NCKAP5: variants seen among roughly 807,000 people sequenced by gnomAD.
The protein encoded by NCKAP5 is NCK associated protein 5, also known as nck-associated protein 5.
NCKAP5 carries 92 observed loss-of-function variants against 167.0 expected under a neutral mutation model. The ratio of observed to expected loss-of-function variants is 0.55; its 90% CI spans 0.47 to 0.66. NCKAP5 has a LOEUF of 0.66. Ranked by LOEUF, NCKAP5 falls within the 30% of genes least tolerant of loss-of-function variation. NCKAP5 has a pLI of 0.00. For missense variants in NCKAP5, 2,378 were observed against 2,315.0 expected, an observed-to-expected ratio of 1.03 and a Z score of -0.56; for synonymous variants, 891 against 877.4, an observed-to-expected ratio of 1.02 and a Z score of -0.27.
intron 6 of NCKAP5, among the ~76,000 whole-genome samples, chr2:133,093,140 A>G (rs11901409): frequency 0.066 from 10,007 of 152,298 alleles, 1,065 homozygotes; most frequent in African/African-American, 0.22. Flanking sequence ...CAAGGTAATT[A>G]AGCAATAAAT....
At chr2:133,011,201 T>A (rs188038484) in intron 6 of NCKAP5, among the ~76,000 whole-genome samples, 1 of 152,156 alleles carries the variant, frequency 6.6e-6, no homozygotes, top group East Asian at 1.9e-4. Context: ...GGATTGTAAG[T>A]TTTTCCCCCC....
At chr2:133,331,901 T>C (rs905579577) in intron 3 of NCKAP5, among the ~76,000 whole-genome samples, 1 of 152,208 alleles carries the variant, frequency 6.6e-6, no homozygotes, top group African/African-American at 2.4e-5. Context: ...GCATGGAGGT[T>C]AGGCTGTTTC....
rs575504984 is a variant in NCKAP5, at chr2:133,212,620, G to A, written c.207+1096C>T. On this transcript the variant is annotated intron_variant, in intron 5 of 19. Transcript: ENST00000409261. ...TGACCTCAGGTGATCTGCCCACCTCGGCCTCCCAAAGTGTTGAGATAACAG... is the reference window on the plus strand; with the variant it reads ...TGACCTCAGGTGATCTGCCCACCTCAGCCTCCCAAAGTGTTGAGATAACAG... 3.9e-5 allele frequency among the ~76,000 whole-genome samples: 6 copies of A among 152,216 alleles called. No individual in the cohort carries two copies. The East Asian group carries it at 5.8e-4, about 15-fold the overall frequency.
intron 5 of NCKAP5, among the ~76,000 whole-genome samples, chr2:133,172,687 G>A (rs1186722028): frequency 1.3e-5 from 2 of 151,766 alleles, no homozygotes; most frequent in Admixed American, 6.6e-5. Context: ...TTGCTCTGTT[G>A]CCCAGGCTGG....
chr2:132,694,545 GGAATTAGGCCCA>G (rs1687129139), intron 19 of NCKAP5, among the ~76,000 whole-genome samples: 1 of 152,130 alleles, frequency 6.6e-6, no homozygotes, highest in South Asian at 2.1e-4. Context: ...TGAAAATGCT[GGAATTAGGCCCA>G]GGATTCGATT....
At chr2:133,317,249 T>C (rs1174868524) in intron 3 of NCKAP5, among the ~76,000 whole-genome samples, 1 of 151,722 alleles carries the variant, frequency 6.6e-6, no homozygotes, top group Non-Finnish European at 1.5e-5. Context: ...CCAAAACACA[T>C]CCAGGATAAA....
intron 9 of NCKAP5, among the ~76,000 whole-genome samples, chr2:132,876,032 A>G (rs898229552): frequency 6.6e-6 from 1 of 152,112 alleles, no homozygotes; most frequent in Non-Finnish European, 1.5e-5. Flanking sequence ...CAAATCCTCA[A>G]TATGTTCCTC....
chr2:133,178,757 G>A (rs1397380937), intron 5 of NCKAP5, among the ~76,000 whole-genome samples: 33 of 149,212 alleles, frequency 2.2e-4, no homozygotes, highest in Non-Finnish European at 4.3e-4. Flanking sequence ...CCCAGGAGGC[G>A]GAGCTTGCAG....
At chr2:133,169,012 C>T (rs1440180737) in intron 5 of NCKAP5, among the ~76,000 whole-genome samples, 1 of 152,188 alleles carries the variant, frequency 6.6e-6, no homozygotes, top group Non-Finnish European at 1.5e-5. Flanking sequence ...TTCTCCATCA[C>T]TGTCCTTGTA....
Position 132,784,441 on chromosome 2 carries a change from T to C in NCKAP5, c.2370A>G (p.Ala790=), listed in dbSNP as rs12616282. The C allele has an allele frequency of 0.55, 883,065 of 1,608,356 alleles. 250,270 individuals are homozygous for C. Among genetic ancestry groups the C allele is most frequent in the East Asian group, 0.9 (40,468 of 44,856 alleles). The stretch of plus-strand genomic sequence containing the variant: ...TTTGCTTTTGATAGATGCCCATGGG[T>C]GCCGAAGACCTGGAATTACTCTGGC... ...ISCQSNSRSS[A]PMGIYQKQNL... Residue 790 remains alanine (A), a synonymous_variant, in exon 14 of 20, where the codon GCA becomes GCG. Coordinates refer to ENST00000409261, the MANE Select transcript of NCKAP5 (RefSeq NM_207363.3).
At chr2:132,811,615 C>A (rs547256069) in intron 11 of NCKAP5, among the ~76,000 whole-genome samples, 1 of 152,160 alleles carries the variant, frequency 6.6e-6, no homozygotes, top group East Asian at 1.9e-4. Context: ...CCCAACCCTG[C>A]CCCCTGCCCC....
intron 8 of NCKAP5, chr2:132,915,786 TG>T (rs943047362): frequency 1.3e-5 from 2 of 152,046 alleles, no homozygotes; most frequent in Admixed American, 1.3e-4. Context: ...CCTCTGTGTC[TG>T]TTGGGAGTGG....
chr2:133,546,545 A>G (rs1184644023), intron 2 of NCKAP5, among the ~76,000 whole-genome samples: 2 of 152,152 alleles, frequency 1.3e-5, no homozygotes, highest in Non-Finnish European at 2.9e-5. Context: ...GGGCACGGTT[A>G]TCCTGAATGT....
intron 5 of NCKAP5, among the ~76,000 whole-genome samples, chr2:133,133,802 C>G (rs766064267): frequency 6.6e-6 from 1 of 152,152 alleles, no homozygotes; most frequent in Non-Finnish European, 1.5e-5. Context: ...GTTATTATCA[C>G]CTCCATCTAA....
At chr2:133,261,269 G>A (rs868233690) in intron 4 of NCKAP5, among the ~76,000 whole-genome samples, 4 of 152,076 alleles carry the variant, frequency 2.6e-5, no homozygotes, top group East Asian at 1.9e-4. Flanking sequence ...TTTTCCAAAC[G>A]ATTCAAAGTA....
rs927017422 is a variant in NCKAP5 at position 132,997,001 on chromosome 2, T to C, written c.342-2762A>G. Among the ~76,000 whole-genome samples the C allele has an allele frequency of 1.3e-5, 2 of 152,336 alleles. 1 individual carries two copies. The highest frequency in any genetic ancestry group is 4.1e-4 in the South Asian group (2 of 4,830). ...GTATTTGAGTGACTCAGTATGACAC[T>C]GGTTGAAGAGAACTGTGAAGAAAAG... On this transcript the variant is annotated intron_variant, in intron 6 of 19. Transcript: ENST00000409261.
chr2:133,154,989 T>A (rs2083520980), intron 5 of NCKAP5, among the ~76,000 whole-genome samples: 1 of 152,202 alleles, frequency 6.6e-6, no homozygotes, highest in Admixed American at 6.5e-5. Flanking sequence ...TAAATTCTGC[T>A]TTGGCAATTT....
At chr2:133,348,044 A>G (rs1023472092) in intron 3 of NCKAP5, among the ~76,000 whole-genome samples, 2 of 152,228 alleles carry the variant, frequency 1.3e-5, no homozygotes, top group African/African-American at 4.8e-5. Context: ...GAAATTTAGC[A>G]GGCAGAGAGA....
At chr2:133,293,612 G>T (rs1158363336) in intron 4 of NCKAP5, among the ~76,000 whole-genome samples, 1 of 152,162 alleles carries the variant, frequency 6.6e-6, no homozygotes, top group African/African-American at 2.4e-5. Context: ...TCTAAAGTAT[G>T]ACCAGCAGTC....
Sources: allele counts gnomAD v4.1 joint callset (sites outside exome capture counted in the v4.1 genomes callset), GRCh38; gene constraint gnomAD v4.1.1; transcripts MANE v1.5; gene names NCBI Gene and HGNC (gene_info 2026-07-23, HGNC 2026-07-21).